The following NPAS3 variants were observed in gnomAD, a reference collection of about 807,000 sequenced individuals.
The protein encoded by NPAS3 is neuronal PAS domain-containing protein 3.
A neutral mutation model predicts 73.1 loss-of-function variants in NPAS3; 14 were observed. The observed-to-expected ratio is 0.19, with a 90% CI of 0.13 to 0.30. NPAS3 has a LOEUF of 0.30. Among genes scored for constraint, NPAS3 ranks in the 10% least tolerant of loss-of-function variants. The probability of loss-of-function intolerance (pLI) is 1.00; values close to 1 mark genes in which losing one functional copy is unlikely to be tolerated. For missense variants in NPAS3, 1,096 were observed against 1,250.0 expected (o/e 0.88, Z 1.86); for synonymous variants, 620 against 541.5 (o/e 1.14, Z -2.01).
chr14:33,276,115 C>T (rs2041317514), intron 3 of NPAS3, among the ~76,000 whole-genome samples: 1 of 152,134 alleles, frequency 6.6e-6, no homozygotes, highest in South Asian at 2.1e-4. Context: ...TGCATGACCA[C>T]ATCACCATTA....
At chr14:33,430,163 A>G (rs1415952189) in intron 4 of NPAS3, among the ~76,000 whole-genome samples, 1 of 152,190 alleles carries the variant, frequency 6.6e-6, no homozygotes, top group African/African-American at 2.4e-5. Context: ...TCTTGCAAGC[A>G]CTTAGATCAA....
chr14:33,071,195 A>G (rs1221416645), intron 2 of NPAS3, among the ~76,000 whole-genome samples: 1 of 152,204 alleles, frequency 6.6e-6, no homozygotes, highest in Non-Finnish European at 1.5e-5. Flanking sequence ...TATTATCATC[A>G]TGATTAATAT....
chr14:33,670,821 A>G (rs2059590588), intron 5 of NPAS3, among the ~76,000 whole-genome samples: 1 of 152,096 alleles, frequency 6.6e-6, no homozygotes, highest in South Asian at 2.1e-4. Context: ...CCTTTTATTC[A>G]GATATTGCTA....
chr14:33,567,167 C>G (rs1480625087), intron 5 of NPAS3, among the ~76,000 whole-genome samples: 1 of 152,088 alleles, frequency 6.6e-6, no homozygotes, highest in Non-Finnish European at 1.5e-5. Context: ...CAGCAAATAC[C>G]CTGCCTGGTG....
rs556703589 is a variant in NPAS3 at position 33,330,819 on chromosome 14, C to T, written c.386-36367C>T. On this transcript the variant is annotated intron_variant, in intron 3 of 11. Coordinates refer to ENST00000356141, the Ensembl canonical transcript of NPAS3. The stretch of plus-strand genomic sequence containing the variant: ...TCTTGGATTTATTTGTTTGTGAGGA[C>T]AAAGAGAGAAGCTTGCAATTTATAA... 1.1e-4 allele frequency among the ~76,000 whole-genome samples: 17 copies of T among 152,184 alleles called. No homozygotes were observed. The South Asian group carries it at 2.5e-3, about 22-fold the overall frequency.
chr14:32,935,703 T>TA (rs1471198024), upstream of NPAS3, among the ~76,000 whole-genome samples: 4 of 152,330 alleles, frequency 2.6e-5, no homozygotes, highest in African/African-American at 9.6e-5. Flanking sequence ...AGATTTTTCT[T>TA]AAAAATTACG....
At chr14:33,515,289 G>T (rs552926317) in intron 4 of NPAS3, among the ~76,000 whole-genome samples, 2 of 152,194 alleles carry the variant, frequency 1.3e-5, no homozygotes, top group Admixed American at 6.5e-5. Flanking sequence ...GAATAAGAAT[G>T]AGTAAGAGTG....
At chr14:33,699,944 G>T (rs11848780) in intron 6 of NPAS3, among the ~76,000 whole-genome samples, 4 of 151,948 alleles carry the variant, frequency 2.6e-5, no homozygotes, top group African/African-American at 9.7e-5. Context: ...TTCCTCTGTG[G>T]CATCATAAAA....
intron 7 of NPAS3, among the ~76,000 whole-genome samples, chr14:33,756,360 A>G (rs2062115756): frequency 6.6e-6 from 1 of 152,172 alleles, no homozygotes; most frequent in Non-Finnish European, 1.5e-5. Flanking sequence ...CGAAGTAACT[A>G]ACCCCCAAGA....
rs1395344471 is a variant in NPAS3 at position 33,788,640 on chromosome 14, CT to C, written c.1154-5250del. Among the ~76,000 whole-genome samples the C allele has an allele frequency of 4.6e-5, 7 of 152,256 alleles. No homozygotes were observed. The South Asian group carries it at 6.2e-4, about 14-fold the overall frequency. ...GCCCAACAGGAAGAGACCACGTTCT[CT>C]TTTTTTCTCCATATTTCTGAAGGCA... is the stretch of plus-strand genomic sequence containing the variant. On this transcript the variant is annotated intron_variant, in intron 9 of 11. Coordinates refer to ENST00000356141, the Ensembl canonical transcript of NPAS3.
intron 5 of NPAS3, among the ~76,000 whole-genome samples, chr14:33,569,927 C>T (rs2056133378): frequency 1.3e-5 from 2 of 152,238 alleles, no homozygotes; most frequent in Non-Finnish European, 2.9e-5. Flanking sequence ...TGGCTCTTTA[C>T]CATAAAATGT....
intron 5 of NPAS3, among the ~76,000 whole-genome samples, chr14:33,584,844 A>G (rs1338257729): frequency 2.0e-5 from 3 of 152,304 alleles, no homozygotes; most frequent in African/African-American, 7.2e-5. Flanking sequence ...GAGGACATTT[A>G]TGACTACCTA....
chr14:33,763,341 A>G (rs1353104577), intron 7 of NPAS3, among the ~76,000 whole-genome samples: 1 of 152,254 alleles, frequency 6.6e-6, no homozygotes, highest in African/African-American at 2.4e-5. Context: ...TATAGAGTTC[A>G]GAGGGTAGCT....
intron 2 of NPAS3, among the ~76,000 whole-genome samples, chr14:33,136,349 G>A (rs554506746): frequency 6.6e-6 from 1 of 152,176 alleles, no homozygotes; most frequent in African/African-American, 2.4e-5. Flanking sequence ...GTGAGCCACT[G>A]CGCCTGGCCA....
chr14:33,205,303 T>C (rs576126145), intron 2 of NPAS3, among the ~76,000 whole-genome samples: 7 of 152,326 alleles, frequency 4.6e-5, no homozygotes, highest in South Asian at 2.1e-4. Flanking sequence ...TTCAGTATCT[T>C]GAGAATATCC....
At chr14:33,279,155 T>G (rs1259410691) in intron 3 of NPAS3, among the ~76,000 whole-genome samples, 1 of 152,172 alleles carries the variant, frequency 6.6e-6, no homozygotes, top group Non-Finnish European at 1.5e-5. Flanking sequence ...AGAATTCACA[T>G]TTCTAACAAG....
At chr14:33,749,200 G>A (rs1404225788) in intron 7 of NPAS3, among the ~76,000 whole-genome samples, 1 of 152,132 alleles carries the variant, frequency 6.6e-6, no homozygotes, top group Non-Finnish European at 1.5e-5. Flanking sequence ...TCCATAAACA[G>A]TGGCAAATTT....
At chr14:32,939,953 A>G (rs2035914164) in intron 1 of NPAS3, among the ~76,000 whole-genome samples, 1 of 151,990 alleles carries the variant, frequency 6.6e-6, no homozygotes, top group South Asian at 2.1e-4. Context: ...AGCCCAGAGG[A>G]GCGCGGCCGC....
At chr14:32,957,117 G>T (rs1025808426) in intron 1 of NPAS3, among the ~76,000 whole-genome samples, 2 of 152,092 alleles carry the variant, frequency 1.3e-5, no homozygotes, top group Non-Finnish European at 2.9e-5. Flanking sequence ...CAGTGTCTGC[G>T]TGGGAAGATT....
Sources: gnomAD v4.1 joint callset for allele counts (sites outside exome capture counted in the v4.1 genomes callset) on GRCh38, gnomAD v4.1.1 for gene constraint, MANE v1.5 for transcripts, NCBI Gene and HGNC (gene_info 2026-07-23, HGNC 2026-07-21) for gene names.